MICAL3: variants seen among roughly 807,000 people sequenced by gnomAD.
MICAL3 encodes the protein microtubule associated monooxygenase, calponin and LIM domain containing 3.
MICAL3 carries 62 observed loss-of-function variants against 207.4 expected under a neutral mutation model. The ratio of observed to expected loss-of-function variants is 0.30; its 90% CI spans 0.24 to 0.37. MICAL3 has a LOEUF of 0.37. Among genes scored for constraint, MICAL3 ranks in the 10% least tolerant of loss-of-function variants. The pLI is 1.00. For missense variants in MICAL3, 2,368 were observed against 2,635.6 expected (o/e 0.90, Z 2.22); for synonymous variants, 1,077 against 1,069.3 (o/e 1.01, Z -0.14).
intron 1 of MICAL3, among the ~76,000 whole-genome samples, chr22:17,958,278 C>G (rs972107046): frequency 2.6e-5 from 4 of 152,182 alleles, no homozygotes; most frequent in African/African-American, 9.7e-5. Context: ...TTGCTAGGGC[C>G]ACTTTGGGTC....
chr22:17,954,099 G>A (rs918288737), intron 1 of MICAL3, among the ~76,000 whole-genome samples: 9 of 152,004 alleles, frequency 5.9e-5, no homozygotes, highest in Non-Finnish European at 1.2e-4. Flanking sequence ...GAAAGAAGGT[G>A]GGAAACTCCC....
chr22:17,824,574 T>A (rs1921974548), intron 22 of MICAL3, among the ~76,000 whole-genome samples: 1 of 152,224 alleles, frequency 6.6e-6, no homozygotes, highest in Non-Finnish European at 1.5e-5. Context: ...TCAAATCTAG[T>A]GTTTGAAGAA....
intron 1 of MICAL3, among the ~76,000 whole-genome samples, chr22:17,959,456 A>G (rs1569147607): frequency 1.3e-5 from 2 of 152,130 alleles, no homozygotes; most frequent in Non-Finnish European, 2.9e-5. Context: ...CTGGGATTAC[A>G]GGCACCTGCC....
At chr22:17,916,800 C>A (rs1932549858) in intron 1 of MICAL3, among the ~76,000 whole-genome samples, 1 of 152,138 alleles carries the variant, frequency 6.6e-6, no homozygotes, top group Non-Finnish European at 1.5e-5. Flanking sequence ...TGAAATGGCC[C>A]CGGAATCAAC....
At chr22:17,918,280 T>TA (rs146657853) in intron 1 of MICAL3, among the ~76,000 whole-genome samples, 9 of 147,902 alleles carry the variant, frequency 6.1e-5, no homozygotes, top group African/African-American at 7.4e-5. Flanking sequence ...GACTGTCTCT[T>TA]AAAAAAAAAA....
intron 1 of MICAL3, among the ~76,000 whole-genome samples, chr22:17,916,555 A>G (rs1366355156): frequency 6.6e-6 from 1 of 152,162 alleles, no homozygotes; most frequent in East Asian, 1.9e-4. Flanking sequence ...CCTCCACAGA[A>G]ATGCCTCATC....
chr22:17,844,547 G>C (rs909030705), intron 19 of MICAL3, among the ~76,000 whole-genome samples: 1 of 152,186 alleles, frequency 6.6e-6, no homozygotes, highest in African/African-American at 2.4e-5. Flanking sequence ...CCACCAAATA[G>C]CATCTTTCGA....
At chr22:17,970,786 A>T (rs894083135) in intron 1 of MICAL3, among the ~76,000 whole-genome samples, 1 of 144,452 alleles carries the variant, frequency 6.9e-6, no homozygotes, top group Non-Finnish European at 1.5e-5. Flanking sequence ...AAATTTTTTT[A>T]TCTGTTACGT....
In MICAL3 at chr22:17,865,980, G is replaced by A. The variant is rs757412853; in HGVS notation, c.2461C>T (p.Arg821Ter). ...KFYCKPHYCY[R>*]LSGYAQRKRP... ...TTCCTTTGTGCGTAGCCAGAGAGTC[G>A]ATAGCAGTAGTGTGGCTTACAGTAG... Residue 821 changes from arginine (R) to a stop codon, truncating the protein, a stop_gained, in exon 18 of 32, where the codon CGA (arginine) becomes TGA (stop). Coordinates refer to ENST00000441493, the MANE Select transcript of MICAL3 (RefSeq NM_015241.3). LOFTEE classifies it high-confidence loss of function. 1.2e-6 allele frequency: 2 copies of A among 1,613,934 alleles called. No homozygotes were observed. Among genetic ancestry groups the A allele is most frequent in the Non-Finnish European group, 1.7e-6 (2 of 1,179,814 alleles).
intron 19 of MICAL3, chr22:17,861,800 C>T: frequency 1.0e-6 from 1 of 985,162 alleles, no homozygotes; most frequent in Non-Finnish European, 1.2e-6. Context: ...AACAGAAATA[C>T]TGTAAACAAT....
intron 16 of MICAL3, among the ~76,000 whole-genome samples, chr22:17,881,922 CGA>C (rs1929471895): frequency 6.6e-6 from 1 of 152,322 alleles, no homozygotes; most frequent in East Asian, 1.9e-4. Flanking sequence ...GTATTCCCTT[CGA>C]GAGTCTGTCT....
intron 1 of MICAL3, among the ~76,000 whole-genome samples, chr22:17,960,839 G>A (rs746323086): frequency 3.6e-4 from 55 of 152,152 alleles, no homozygotes; most frequent in Middle Eastern, 3.2e-3. Context: ...AGCAAGGACC[G>A]AAGGAGCCAG....
intron 11 of MICAL3, among the ~76,000 whole-genome samples, chr22:17,891,943 G>A (rs1046709874): frequency 1.3e-5 from 2 of 152,130 alleles, no homozygotes; most frequent in Non-Finnish European, 2.9e-5. Flanking sequence ...GTGGAGGAGC[G>A]CCACCTACTG....
rs555609659 is a variant in MICAL3, at chr22:17,868,529, C to A, written c.2429-2517G>T. On this transcript the variant is annotated intron_variant, in intron 17 of 31. Transcript: ENST00000441493. ...GTGAACCGCAGAGGCGGATGTGGTC[C>A]AGGATGCTGGTGCCAGAGCCTGCAC... Among the ~76,000 whole-genome samples, 12 of 152,248 alleles carry A rather than the reference C, an allele frequency of 7.9e-5. No homozygotes were observed. The South Asian group carries it at 2.5e-3, about 32-fold the overall frequency.
intron 1 of MICAL3, among the ~76,000 whole-genome samples, chr22:17,966,202 A>C (rs546763595): frequency 6.6e-6 from 1 of 152,060 alleles, no homozygotes; most frequent in Non-Finnish European, 1.5e-5. Flanking sequence ...TCGAATTTCC[A>C]GTCCCTGACT....
chr22:17,808,267 C>T (rs888806332), intron 29 of MICAL3, among the ~76,000 whole-genome samples: 4 of 152,268 alleles, frequency 2.6e-5, no homozygotes, highest in Non-Finnish European at 5.9e-5. Flanking sequence ...TGCTCCACGT[C>T]GGCTGGTCAC....
intron 12 of MICAL3, among the ~76,000 whole-genome samples, chr22:17,889,605 T>C (rs767533137): frequency 3.3e-5 from 5 of 152,148 alleles, no homozygotes; most frequent in Non-Finnish European, 7.3e-5. Flanking sequence ...GGCAGGAGAA[T>C]TGCTTGAGCC....
chr22:17,869,502 T>C lies in MICAL3; in HGVS notation c.2428+2335A>G, dbSNP rs577492781. 7.2e-5 allele frequency among the ~76,000 whole-genome samples: 11 copies of C among 152,202 alleles called. No homozygotes were observed. In the East Asian group the frequency reaches 7.7e-4, roughly 11 times the overall value. On this transcript the variant is annotated intron_variant, in intron 17 of 31. Coordinates refer to ENST00000441493, the MANE Select transcript of MICAL3 (RefSeq NM_015241.3). ...GGGCCTGACACTAATTTTGAGTCCTTGTCTTAAGAGCTGGCAGCGATCACA... is the reference window on the plus strand; with the variant it reads ...GGGCCTGACACTAATTTTGAGTCCTCGTCTTAAGAGCTGGCAGCGATCACA...
chr22:17,852,936 G>A (rs1322856173), intron 19 of MICAL3, among the ~76,000 whole-genome samples: 5 of 152,062 alleles, frequency 3.3e-5, no homozygotes, highest in Admixed American at 6.6e-5. Flanking sequence ...TTAGCCGGGC[G>A]TGGTGGTATG....
Sources: allele counts gnomAD v4.1 joint callset (sites outside exome capture counted in the v4.1 genomes callset), GRCh38; gene constraint gnomAD v4.1.1; transcripts MANE v1.5; gene names NCBI Gene and HGNC (gene_info 2026-07-23, HGNC 2026-07-21).